The following NAPB variants were observed in gnomAD, a reference collection of about 807,000 sequenced individuals.
NAPB encodes the protein NSF attachment protein beta, also known as beta-soluble NSF attachment protein.
Under a neutral mutation model 44.7 loss-of-function variants are expected in NAPB, and 26 were observed. The observed-to-expected ratio is 0.58, with a 90% CI of 0.43 to 0.81. The LOEUF (loss-of-function observed/expected upper bound fraction) is 0.81. Ranked by LOEUF, NAPB falls within the 30% of genes least tolerant of loss-of-function variation. NAPB has a pLI of 0.00. For synonymous variants in NAPB, 120 were observed against 116.8 expected (o/e 1.03, Z -0.18); for missense variants, 315 against 356.4 (o/e 0.88, Z 0.94).
At chr20:23,408,374 G>A (rs1985408008) in intron 1 of NAPB, among the ~76,000 whole-genome samples, 1 of 152,238 alleles carries the variant, frequency 6.6e-6, no homozygotes, top group African/African-American at 2.4e-5. Flanking sequence ...GATGCTTAGT[G>A]TCTGGATGGA....
chr20:23,397,786 T>C (rs1243081360), intron 2 of NAPB, among the ~76,000 whole-genome samples: 3 of 152,252 alleles, frequency 2.0e-5, no homozygotes, highest in Non-Finnish European at 4.4e-5. Context: ...TTAATCTATT[T>C]TACCCCATTT....
chr20:23,400,764 G>A lies in NAPB; in HGVS notation c.178+2229C>T, dbSNP rs185879190. ...AATGCAACATGGATAGAACTTCAAG[G>A]AGTCTAATATTCATCCACTCAACAA... On this transcript the variant is annotated intron_variant, in intron 2 of 10. Transcript: ENST00000377026. Among the ~76,000 whole-genome samples, 1,486 of 152,168 alleles carry A rather than the reference G, an allele frequency of 9.8e-3. 14 individuals carry two copies. The highest frequency in any genetic ancestry group is 0.015 in the Admixed American group (225 of 15,288).
chr20:23,386,727 C>T (rs531919784), intron 7 of NAPB, among the ~76,000 whole-genome samples: 1 of 152,288 alleles, frequency 6.6e-6, no homozygotes, highest in African/African-American at 2.4e-5. Context: ...GTTTACATAA[C>T]TCCACTGAGA....
intron 1 of NAPB, among the ~76,000 whole-genome samples, chr20:23,417,828 T>C (rs1437162516): frequency 6.6e-6 from 1 of 152,022 alleles, no homozygotes; most frequent in African/African-American, 2.4e-5. Context: ...GAAAGGAATA[T>C]TGATACCTTA....
intron 1 of NAPB, among the ~76,000 whole-genome samples, chr20:23,415,803 C>CA (rs1020916441): frequency 1.2e-4 from 19 of 152,044 alleles, no homozygotes; most frequent in Non-Finnish European, 2.5e-4. Flanking sequence ...CCTGTCTCTA[C>CA]AAAAAATACA....
At chr20:23,398,571 T>C (rs573738062) in intron 2 of NAPB, among the ~76,000 whole-genome samples, 373 of 152,252 alleles carry the variant, frequency 2.4e-3, no homozygotes, top group African/African-American at 8.6e-3. Context: ...CTGGGTTTGG[T>C]GGCTCAAGCC....
chr20:23,420,216 T>C (rs1986286312), intron 1 of NAPB, among the ~76,000 whole-genome samples: 1 of 152,152 alleles, frequency 6.6e-6, no homozygotes, highest in Admixed American at 6.5e-5. Flanking sequence ...TTTGAGAGGT[T>C]GGAATTTAAA....
chr20:23,380,232 A>G (rs987660459), intron 8 of NAPB, among the ~76,000 whole-genome samples: 1 of 152,238 alleles, frequency 6.6e-6, no homozygotes, highest in Admixed American at 6.5e-5. Context: ...CATTAAATGG[A>G]GACGTTCTTA....
Position 23,395,012 on chromosome 20 carries a change from AC to A in NAPB, c.343-14del, listed in dbSNP as rs1421523802. On this transcript the variant is annotated splice_polypyrimidine_tract_variant and intron_variant, in intron 4 of 10. Coordinates refer to ENST00000377026, the MANE Select transcript of NAPB (RefSeq NM_022080.3). ...TTGTAAACCTTCCCTAGGGGAAAAAACAAGAAACAGTCACACACCGATTTTA... is the reference window on the plus strand; with the variant it reads ...TTGTAAACCTTCCCTAGGGGAAAAAAAAGAAACAGTCACACACCGATTTTA... The A allele has an allele frequency of 6.2e-7, 1 of 1,614,082 alleles. No individual in the cohort carries two copies. Among genetic ancestry groups the A allele is most frequent in the Non-Finnish European group, 8.5e-7 (1 of 1,179,934 alleles).
At chr20:23,387,067 C>T (rs928324307) in intron 7 of NAPB, among the ~76,000 whole-genome samples, 2 of 152,074 alleles carry the variant, frequency 1.3e-5, no homozygotes, top group African/African-American at 4.8e-5. Context: ...AAAAGTTTGA[C>T]AAAGGACAAA....
At chr20:23,388,701 C>A (rs1211190853) in intron 7 of NAPB, among the ~76,000 whole-genome samples, 2 of 152,050 alleles carry the variant, frequency 1.3e-5, no homozygotes, top group Non-Finnish European at 2.9e-5. Context: ...AACTGGATAT[C>A]CACATATAAA....
At chr20:23,394,858 G>T in intron 5 of NAPB, 64 bp downstream of exon 5, 1 of 1,483,780 alleles carries the variant, frequency 6.7e-7, no homozygotes. Flanking sequence ...ACTGAGGAGA[G>T]GAGAGTTCTT....
chr20:23,391,769 T>A (rs1983975849), intron 5 of NAPB, among the ~76,000 whole-genome samples: 1 of 152,338 alleles, frequency 6.6e-6, no homozygotes, highest in Non-Finnish European at 1.5e-5. Context: ...CGCAAAATGC[T>A]TTTTTCTCTC....
chr20:23,418,002 C>G (rs1456739666), intron 1 of NAPB, among the ~76,000 whole-genome samples: 1 of 152,228 alleles, frequency 6.6e-6, no homozygotes, highest in Non-Finnish European at 1.5e-5. Context: ...CACAAAACCA[C>G]TGTGAGTGGT....
At chr20:23,381,566 T>C (rs983279636) in intron 7 of NAPB, among the ~76,000 whole-genome samples, 2 of 152,254 alleles carry the variant, frequency 1.3e-5, no homozygotes, top group East Asian at 1.9e-4. Flanking sequence ...AAACATCCTT[T>C]CCCCTAATCC....
chr20:23,375,513 G>C lies in NAPB; in HGVS notation c.*1863C>G, dbSNP rs6114073. ...TGGCTGGTTGTAGGATATATTATTA[G>C]GTGGGGAAACAAAACCCCACTTTTC... On this transcript the variant is annotated 3_prime_UTR_variant, in exon 11 of 11. Coordinates refer to ENST00000377026, the MANE Select transcript of NAPB (RefSeq NM_022080.3). 1 of 152,004 alleles carries C rather than the reference G, an allele frequency of 6.6e-6. No homozygotes were observed. Among genetic ancestry groups the C allele is most frequent in the Non-Finnish European group, 1.5e-5 (1 of 67,984 alleles). The allele number at this position is 152,004 out of a possible 1,614,324, so 9.4% of individuals were successfully genotyped here.
intron 1 of NAPB, among the ~76,000 whole-genome samples, chr20:23,413,521 A>G (rs569561041): frequency 1.3e-5 from 2 of 152,308 alleles, no homozygotes; most frequent in African/African-American, 4.8e-5. Flanking sequence ...AGATAAAAGT[A>G]TAAGTCAGTA....
At chr20:23,389,631 A>C (rs1983803866) in intron 7 of NAPB, among the ~76,000 whole-genome samples, 3 of 152,350 alleles carry the variant, frequency 2.0e-5, no homozygotes, top group South Asian at 2.1e-4. Context: ...TGGCAGTCAC[A>C]AAAGGCCACA....
At chr20:23,380,212 T>A (rs1045498090) in intron 8 of NAPB, among the ~76,000 whole-genome samples, 2 of 152,270 alleles carry the variant, frequency 1.3e-5, no homozygotes, top group African/African-American at 4.8e-5. Flanking sequence ...ACCAGGTATC[T>A]GTATCCATCC....
Sources: gnomAD v4.1 joint callset for allele counts (sites outside exome capture counted in the v4.1 genomes callset) on GRCh38, gnomAD v4.1.1 for gene constraint, MANE v1.5 for transcripts, NCBI Gene and HGNC (gene_info 2026-07-23, HGNC 2026-07-21) for gene names.